The following CCSER1 variants were observed in gnomAD, a reference collection of about 807,000 sequenced individuals.
CCSER1 encodes the protein coiled-coil serine rich protein 1.
CCSER1 carries 41 observed loss-of-function variants against 82.0 expected under a neutral mutation model. The observed-to-expected ratio is 0.50, with a 90% CI of 0.39 to 0.65. The LOEUF (loss-of-function observed/expected upper bound fraction) is 0.65. Among genes scored for constraint, CCSER1 ranks in the 30% least tolerant of loss-of-function variants. The pLI is 0.00. For missense variants in CCSER1, 1,119 were observed against 1,064.2 expected, an observed-to-expected ratio of 1.05 and a Z score of -0.72; for synonymous variants, 414 against 383.9, an observed-to-expected ratio of 1.08 and a Z score of -0.92.
intron 1 of CCSER1, among the ~76,000 whole-genome samples, chr4:90,304,818 A>T (rs1414464141): frequency 6.6e-6 from 1 of 152,184 alleles, no homozygotes; most frequent in East Asian, 1.9e-4. Flanking sequence ...AAATAAAAAA[A>T]AATAAAATTG....
intron 6 of CCSER1, among the ~76,000 whole-genome samples, chr4:90,696,906 A>G (rs1477763627): frequency 6.6e-6 from 1 of 152,152 alleles, no homozygotes; most frequent in East Asian, 1.9e-4. Context: ...CAGTTGTAGC[A>G]GAGGGATGGT....
intron 1 of CCSER1, among the ~76,000 whole-genome samples, chr4:90,245,401 CTGA>C (rs905571810): frequency 9.2e-5 from 14 of 151,716 alleles, no homozygotes; most frequent in African/African-American, 3.4e-4. Context: ...GTGCTGGTAG[CTGA>C]CCCCTTCTCT....
At chr4:91,277,903 ATTATT>A (rs1333141647) in intron 10 of CCSER1, among the ~76,000 whole-genome samples, 2 of 151,912 alleles carry the variant, frequency 1.3e-5, no homozygotes, top group African/African-American at 4.8e-5. Flanking sequence ...TTTTCAATAA[ATTATT>A]TTATTTCTTT....
chr4:91,206,023 G>A (rs529341282), intron 10 of CCSER1, among the ~76,000 whole-genome samples: 6 of 151,822 alleles, frequency 4.0e-5, no homozygotes, highest in Admixed American at 1.3e-4. Flanking sequence ...GCAAAGATGC[G>A]TAAGCTAATA....
chr4:91,297,391 G>GTA (rs1326600666), intron 10 of CCSER1, among the ~76,000 whole-genome samples: 9 of 99,510 alleles, frequency 9.0e-5, no homozygotes, highest in Admixed American at 5.6e-4. Context: ...GTGTATGTGT[G>GTA]TGTGTGTGTG....
chr4:90,328,067 T>G (rs1279536066), intron 3 of CCSER1, among the ~76,000 whole-genome samples: 2 of 152,186 alleles, frequency 1.3e-5, no homozygotes, highest in Non-Finnish European at 2.9e-5. Context: ...TATTGCTTTT[T>G]TATTTACCTG....
rs1202658051 is a variant in CCSER1 at position 90,517,172 on chromosome 4, AAAGTTT to A, written c.1724+48819_1724+48824del. 2.8e-4 allele frequency among the ~76,000 whole-genome samples: 43 copies of A among 152,326 alleles called. 1 individual carries two copies. Among genetic ancestry groups the A allele is most frequent in the Non-Finnish European group, 4.4e-4 (30 of 68,026 alleles). ...TCTAACACGAAGCCTATTTTATAATAAAGTTTGAGTATCTCATGTAATTTATTGAAT... is the reference window on the plus strand; with the variant it reads ...TCTAACACGAAGCCTATTTTATAATAGAGTATCTCATGTAATTTATTGAAT... On this transcript the variant is annotated intron_variant, in intron 5 of 10. Coordinates refer to ENST00000509176, the MANE Select transcript of CCSER1 (RefSeq NM_001145065.2).
At chr4:90,661,566 A>T (rs1730783956) in intron 6 of CCSER1, among the ~76,000 whole-genome samples, 1 of 152,350 alleles carries the variant, frequency 6.6e-6, no homozygotes, top group Middle Eastern at 3.4e-3. Context: ...CGAAATGTTT[A>T]ACTATAGTGT....
At chr4:90,550,143 G>C (rs1777277387) in intron 5 of CCSER1, among the ~76,000 whole-genome samples, 1 of 152,152 alleles carries the variant, frequency 6.6e-6, no homozygotes, top group African/African-American at 2.4e-5. Flanking sequence ...CCAGTGGACA[G>C]TTGAGGAGAG....
chr4:91,462,395 A>C (rs950367849), intron 10 of CCSER1, among the ~76,000 whole-genome samples: 1 of 152,180 alleles, frequency 6.6e-6, no homozygotes, highest in Non-Finnish European at 1.5e-5. Flanking sequence ...AAGATGGCCG[A>C]ATAGGAACAG....
At chr4:90,747,085 G>T (rs1747603417) in intron 7 of CCSER1, among the ~76,000 whole-genome samples, 1 of 152,032 alleles carries the variant, frequency 6.6e-6, no homozygotes, top group Non-Finnish European at 1.5e-5. Flanking sequence ...GAGAAAAGGA[G>T]GGTAAGGGAG....
At position 90,392,975 on chromosome 4, in the gene CCSER1, A is replaced by AT. The variant is rs1280371009; in HGVS notation, c.1510-7061_1510-7060insT. Among the ~76,000 whole-genome samples the AT allele has an allele frequency of 5.9e-5, 9 of 152,134 alleles. No individual in the cohort carries two copies. In the East Asian group the frequency reaches 1.7e-3, roughly 29 times the overall value. Reference sequence around the variant, plus strand: ...ATAACAGTGAAATCACAGTATTAAAAATATATGCACTACTGGTGTATTGTT... The same window carrying AT: ...ATAACAGTGAAATCACAGTATTAAAATATATATGCACTACTGGTGTATTGTT... On this transcript the variant is annotated intron_variant, in intron 3 of 10. Coordinates refer to ENST00000509176, the MANE Select transcript of CCSER1 (RefSeq NM_001145065.2).
chr4:90,160,067 G>C (rs1010346118), intron 1 of CCSER1, among the ~76,000 whole-genome samples: 3 of 152,166 alleles, frequency 2.0e-5, no homozygotes, highest in African/African-American at 7.2e-5. Context: ...CACTTGAAGA[G>C]GTTATGTAAC....
rs532091490 is a variant in CCSER1 at position 91,295,474 on chromosome 4, C to G, written c.2217+209480C>G. Among the ~76,000 whole-genome samples, 17 of 151,798 alleles carry G rather than the reference C, an allele frequency of 1.1e-4. No individual in the cohort carries two copies. The South Asian group carries it at 3.1e-3, about 28-fold the overall frequency. ...ATTTATTAGAAAGTAAGTCTGTTATCTAAATGGTTATATATTTTTTTCTGA... is the reference window on the plus strand; with the variant it reads ...ATTTATTAGAAAGTAAGTCTGTTATGTAAATGGTTATATATTTTTTTCTGA... On this transcript the variant is annotated intron_variant, in intron 10 of 10. Coordinates refer to ENST00000509176, the MANE Select transcript of CCSER1 (RefSeq NM_001145065.2).
intron 6 of CCSER1, among the ~76,000 whole-genome samples, 175 bp from the exon 7 acceptor site, chr4:90,723,739 A>G (rs1046099798): frequency 2.0e-5 from 3 of 152,014 alleles, no homozygotes; most frequent in Non-Finnish European, 2.9e-5. Flanking sequence ...TCATTTCTGT[A>G]TAAGGAATGA....
intron 10 of CCSER1, among the ~76,000 whole-genome samples, chr4:91,204,670 G>A (rs1186100126): frequency 6.6e-6 from 1 of 151,744 alleles, no homozygotes; most frequent in South Asian, 2.1e-4. Flanking sequence ...TCATTAACAT[G>A]TTCCCTTAAA....
rs1182759228 is a variant in CCSER1, at chr4:91,599,853, C to T, written c.*796C>T. Reference sequence around the variant, plus strand: ...TTGTCAGATGATGCATAAATACTGACATGCTATATTCTTTGAGCCACTGTC... The same window carrying T: ...TTGTCAGATGATGCATAAATACTGATATGCTATATTCTTTGAGCCACTGTC... On this transcript the variant is annotated 3_prime_UTR_variant, in exon 11 of 11. Coordinates refer to ENST00000509176, the MANE Select transcript of CCSER1 (RefSeq NM_001145065.2). 6.6e-6 allele frequency: 1 copy of T among 152,124 alleles called. No individual in the cohort carries two copies. Among genetic ancestry groups the T allele is most frequent in the Non-Finnish European group, 1.5e-5 (1 of 67,998 alleles). 9.4% of individuals were successfully genotyped at this position (152,124 alleles called of 1,614,324 possible). A position where few individuals can be genotyped will look rare whatever the true frequency, so the allele number is the denominator to read the frequency against.
chr4:91,476,689 C>CA (rs572751760), intron 10 of CCSER1, among the ~76,000 whole-genome samples: 134 of 149,632 alleles, frequency 9.0e-4, no homozygotes, highest in Non-Finnish European at 1.5e-3. Context: ...ATGACACTGG[C>CA]AAAAAAACAA....
intron 10 of CCSER1, among the ~76,000 whole-genome samples, chr4:91,367,123 A>G (rs1238340209): frequency 1.5e-5 from 2 of 129,712 alleles, no homozygotes; most frequent in Non-Finnish European, 3.2e-5. Flanking sequence ...GTGAAACACC[A>G]TCTCTCCAAA....
Sources: gnomAD v4.1 joint callset for allele counts (sites outside exome capture counted in the v4.1 genomes callset) on GRCh38, gnomAD v4.1.1 for gene constraint, MANE v1.5 for transcripts, NCBI Gene and HGNC (gene_info 2026-07-23, HGNC 2026-07-21) for gene names.